CXADR: variants seen among roughly 807,000 people sequenced by gnomAD.
CXADR encodes the protein coxsackievirus and adenovirus receptor.
Under a neutral mutation model 40.3 loss-of-function variants are expected in CXADR, and 20 were observed. That is an observed-to-expected ratio of 0.50 (90% CI 0.35 to 0.72). CXADR has a LOEUF of 0.72. Among genes scored for constraint, CXADR ranks in the 30% least tolerant of loss-of-function variants. CXADR has a pLI of 0.01. For synonymous variants in CXADR, 150 were observed against 161.3 expected (o/e 0.93, Z 0.53); for missense variants, 332 against 449.1 (o/e 0.74, Z 2.36).
chr21:17,605,202 T>G, the CXADR span: 1 of 520,422 alleles, frequency 1.9e-6, no homozygotes, highest in Non-Finnish European at 3.2e-6. Flanking sequence ...GGCACCTATG[T>G]GAGCCCAAGG....
the CXADR span, among the ~76,000 whole-genome samples, chr21:17,606,845 G>A: frequency 2.6e-5 from 4 of 151,990 alleles, no homozygotes; most frequent in East Asian, 3.8e-4. Flanking sequence ...ATACATGTTC[G>A]TCTGCATTTC....
intron 7 of CXADR, among the ~76,000 whole-genome samples, chr21:17,581,769 CA>C (rs34899144): frequency 1 from 151,741 of 151,742 alleles, 75,870 homozygotes; most frequent in Middle Eastern, 1. Context: ...CACTTGAGCC[CA>C]AGAAGATTGA....
In CXADR at chr21:17,567,339, G is replaced by T; in HGVS notation, c.*1647G>T. Reference sequence around the variant, plus strand: ...ATTTGTGTATAGTTTTACATATTTGGAAGCATTTTAAAAACAGGTTTTAAC... The same window carrying T: ...ATTTGTGTATAGTTTTACATATTTGTAAGCATTTTAAAAACAGGTTTTAAC... On this transcript the variant is annotated 3_prime_UTR_variant, in exon 7 of 7. Transcript: ENST00000284878. The T allele has an allele frequency of 2.0e-6, 2 of 985,234 alleles. No individual in the cohort carries two copies. The highest frequency in any genetic ancestry group is 2.4e-6 in the Non-Finnish European group (2 of 829,790). The allele number at this position is 985,234 out of a possible 1,614,324, so 61.0% of individuals were successfully genotyped here.
chr21:17,545,669 T>C (rs1335607295), intron 1 of CXADR, among the ~76,000 whole-genome samples: 1 of 152,182 alleles, frequency 6.6e-6, no homozygotes, highest in Non-Finnish European at 1.5e-5. Context: ...TTAAGACGTC[T>C]TTTATAAAAT....
intron 5 of CXADR, 133 bp from the exon 6 acceptor site, chr21:17,561,205 G>T: frequency 1.8e-6 from 1 of 567,680 alleles, no homozygotes; most frequent in African/African-American, 2.0e-5. Context: ...TTTTTCCCCC[G>T]GATCAAAAAG....
chr21:17,564,816 CT>C (rs1315522256), intron 6 of CXADR, among the ~76,000 whole-genome samples: 4 of 152,180 alleles, frequency 2.6e-5, no homozygotes, highest in African/African-American at 4.8e-5. Context: ...CTCACTGCAA[CT>C]TTGGCCTCCT....
chr21:17,515,166 G>C (rs1038342059), intron 1 of CXADR, among the ~76,000 whole-genome samples: 4 of 151,942 alleles, frequency 2.6e-5, no homozygotes, highest in African/African-American at 7.3e-5. Flanking sequence ...GGCCAGGCAC[G>C]GTGCTTGTAA....
chr21:17,529,432 T>C (rs1487955954), intron 1 of CXADR, among the ~76,000 whole-genome samples: 1 of 152,170 alleles, frequency 6.6e-6, no homozygotes, highest in Non-Finnish European at 1.5e-5. Flanking sequence ...GTGATTCTCA[T>C]GCCTCAACCT....
intron 7 of CXADR, among the ~76,000 whole-genome samples, chr21:17,579,946 A>G (rs1018543865): frequency 6.6e-6 from 1 of 151,952 alleles, no homozygotes; most frequent in Non-Finnish European, 1.5e-5. Flanking sequence ...GGGTGCATCT[A>G]ACCTCAGGAA....
chr21:17,517,599 C>T (rs1231760477), intron 1 of CXADR, among the ~76,000 whole-genome samples: 2 of 152,200 alleles, frequency 1.3e-5, no homozygotes, highest in Middle Eastern at 3.2e-3. Context: ...CAGGATAAGG[C>T]TGGCATAAAA....
chr21:17,628,657 C>T, the CXADR span, among the ~76,000 whole-genome samples: 7 of 152,282 alleles, frequency 4.6e-5, no homozygotes, highest in Middle Eastern at 3.4e-3. Context: ...CACGCCACCA[C>T]GCCCAGCTAA....
intron 3 of CXADR, among the ~76,000 whole-genome samples, chr21:17,552,514 C>T (rs916728390): frequency 1.4e-4 from 22 of 152,152 alleles, no homozygotes; most frequent in African/African-American, 5.3e-4. Flanking sequence ...TGTAAACTGC[C>T]AAAGACTACA....
At chr21:17,563,316 A>G (rs2061150086) in intron 6 of CXADR, among the ~76,000 whole-genome samples, 3 of 152,032 alleles carry the variant, frequency 2.0e-5, no homozygotes, top group South Asian at 4.2e-4. Context: ...AGCCATGATA[A>G]CTATTCCTTT....
chr21:17,517,084 A>C (rs527702859), intron 1 of CXADR, among the ~76,000 whole-genome samples: 1 of 152,292 alleles, frequency 6.6e-6, no homozygotes, highest in South Asian at 2.1e-4. Flanking sequence ...ATATCAAATA[A>C]AGGTACCTAG....
Position 17,515,122 on chromosome 21 carries a change from C to G in CXADR, c.43+1950C>G, listed in dbSNP as rs191498897. On this transcript the variant is annotated intron_variant, in intron 1 of 6. Transcript: ENST00000284878. ...TGTCTCAGCTAAACAAGGCAACTAT[C>G]TTTATTCCAGTTTTTCAGTTTAAGA... Among the ~76,000 whole-genome samples the G allele has an allele frequency of 7.7e-4, 82 of 106,584 alleles. 1 individual carries two copies. In the Admixed American group the frequency reaches 9.2e-3, roughly 12 times the overall value. 69.9% of individuals were successfully genotyped at this position (106,584 alleles called of 152,430 possible). A position where few individuals can be genotyped will look rare whatever the true frequency, so the allele number is the denominator to read the frequency against.
At chr21:17,560,214 C>T (rs186766300) in intron 4 of CXADR, among the ~76,000 whole-genome samples, 9 of 152,282 alleles carry the variant, frequency 5.9e-5, no homozygotes, top group South Asian at 4.2e-4. Context: ...GGCTCCACCC[C>T]GCCATCCACT....
Position 17,546,672 on chromosome 21 carries a change from G to A in CXADR, c.44-355G>A, listed in dbSNP as rs149479458. Among the ~76,000 whole-genome samples, 405 of 152,188 alleles carry A rather than the reference G, an allele frequency of 2.7e-3. 1 individual carries two copies. The highest frequency in any genetic ancestry group is 9.4e-3 in the African/African-American group (392 of 41,514). On this transcript the variant is annotated intron_variant, in intron 1 of 6. Transcript: ENST00000284878. Reference sequence around the variant, plus strand: ...ACAGTTCAACATGAGATTTGGGCGGGGTCACAAATCCAACCTGTATCACTC... The same window carrying A: ...ACAGTTCAACATGAGATTTGGGCGGAGTCACAAATCCAACCTGTATCACTC...
chr21:17,516,972 C>T (rs1373800891), intron 1 of CXADR, among the ~76,000 whole-genome samples: 1 of 151,614 alleles, frequency 6.6e-6, no homozygotes, highest in Non-Finnish European at 1.5e-5. Context: ...AGAAAAATAC[C>T]AAATTTATAA....
At position 17,592,397 on chromosome 21, in the gene CXADR, G is replaced by GT. The variant is rs1014655449; in HGVS notation, c.1018-754dup. 3.9e-4 allele frequency among the ~76,000 whole-genome samples: 43 copies of GT among 110,412 alleles called. 1 individual carries two copies. Among genetic ancestry groups the GT allele is most frequent in the Non-Finnish European group, 8.8e-5 (5 of 56,644 alleles). 72.4% of individuals were successfully genotyped at this position (110,412 alleles called of 152,430 possible). ...GCAATGTAGTTATATTTTAAAATTT[G>GT]TATTTTTTTAATTTTTGAGTATTTT... On this transcript the variant is annotated intron_variant, in intron 7 of 7. Transcript: ENST00000400169.
Sources: gnomAD v4.1 joint callset for allele counts (sites outside exome capture counted in the v4.1 genomes callset) on GRCh38, gnomAD v4.1.1 for gene constraint, MANE v1.5 for transcripts, NCBI Gene and HGNC (gene_info 2026-07-23, HGNC 2026-07-21) for gene names.